The following PSD3 variants were observed in gnomAD, a reference collection of about 807,000 sequenced individuals.
The protein encoded by PSD3 is pleckstrin and Sec7 domain containing 3.
In PSD3, 49 loss-of-function variants were observed where a neutral mutation model predicts 105.5. The ratio of observed to expected loss-of-function variants is 0.46; its 90% confidence interval spans 0.37 to 0.59. The LOEUF (loss-of-function observed/expected upper bound fraction) is 0.59, where lower values mean the gene tolerates loss of function less well. PSD3 is among the 20% of genes least tolerant of loss of function. The probability of loss-of-function intolerance (pLI) is 0.00; values close to 1 mark genes in which losing one functional copy is unlikely to be tolerated. For synonymous variants in PSD3, 557 were observed against 457.8 expected (o/e 1.22, Z -2.77); for missense variants, 1,561 against 1,263.8 (o/e 1.24, Z -3.57).
At chr8:18,566,547 A>T (rs1461688229) in intron 14 of PSD3, among the ~76,000 whole-genome samples, 3 of 104,722 alleles carry the variant, frequency 2.9e-5, no homozygotes, top group Admixed American at 1.0e-4. Flanking sequence ...AAAAAAAAAA[A>T]TTCCTTAAAA....
chr8:18,823,057 G>A (rs192105316), intron 4 of PSD3, among the ~76,000 whole-genome samples: 1 of 149,506 alleles, frequency 6.7e-6, no homozygotes, highest in East Asian at 2.0e-4. Context: ...ATATTAATCT[G>A]GTTTTATAAA....
At chr8:18,741,799 A>G (rs1449571328) in intron 9 of PSD3, among the ~76,000 whole-genome samples, 5 of 63,068 alleles carry the variant, frequency 7.9e-5, no homozygotes, top group Non-Finnish European at 3.0e-4. Flanking sequence ...TTATTGTAAA[A>G]AAAAAAAAAA....
At chr8:19,008,621 C>T (rs1455995937) in intron 1 of PSD3, among the ~76,000 whole-genome samples, 1 of 152,214 alleles carries the variant, frequency 6.6e-6, no homozygotes, top group African/African-American at 2.4e-5. Flanking sequence ...AAAAGCAGTT[C>T]CACTGGCCCT....
intron 9 of PSD3, among the ~76,000 whole-genome samples, chr8:18,682,433 G>A (rs1262292406): frequency 4.6e-5 from 7 of 152,150 alleles, no homozygotes; most frequent in East Asian, 1.9e-4. Context: ...GCAGGAGACC[G>A]CAGTCCTGAC....
intron 14 of PSD3, among the ~76,000 whole-genome samples, chr8:18,563,057 T>A (rs1170524722): frequency 1.3e-5 from 2 of 152,118 alleles, no homozygotes; most frequent in Non-Finnish European, 2.9e-5. Flanking sequence ...ACCCTGACCT[T>A]TGTGTGAGTT....
intron 9 of PSD3, among the ~76,000 whole-genome samples, chr8:18,660,052 C>A (rs1488591384): frequency 3.3e-5 from 5 of 152,156 alleles, no homozygotes; most frequent in African/African-American, 1.2e-4. Flanking sequence ...CCCCTAATGT[C>A]CAGGTCCCAA....
rs1799802604 is a variant in PSD3 at position 18,535,549 on chromosome 8, A to T, written c.*194T>A. On this transcript the variant is annotated 3_prime_UTR_variant, in exon 16 of 16. Transcript: ENST00000327040. ...GGTGCATTAGCTATCAAGTTGCAAA[A>T]ATCATCAAAGCAAAAGAAATCAAGA... The T allele has an allele frequency of 5.1e-6, 3 of 587,374 alleles. No individual in the cohort carries two copies. Among genetic ancestry groups the T allele is most frequent in the Non-Finnish European group, 8.9e-6 (3 of 335,250 alleles). The allele number at this position is 587,374 out of a possible 1,614,324, so 36.4% of individuals were successfully genotyped here. A position where few individuals can be genotyped will look rare whatever the true frequency, so the allele number is the denominator to read the frequency against.
At chr8:18,747,846 A>C (rs768427875) in intron 9 of PSD3, among the ~76,000 whole-genome samples, 5 of 152,186 alleles carry the variant, frequency 3.3e-5, no homozygotes, top group Admixed American at 6.5e-5. Flanking sequence ...ACACAGAAGA[A>C]GACGAGTTTC....
At chr8:18,867,643 A>C (rs766980163) in intron 4 of PSD3, 31 bp downstream of exon 4, 2 of 1,553,886 alleles carry the variant, frequency 1.3e-6, no homozygotes, top group Non-Finnish European at 1.7e-6. Flanking sequence ...AAAAACCACC[A>C]GCATGAAATG....
chr8:18,707,135 G>T (rs186831807), intron 9 of PSD3, among the ~76,000 whole-genome samples: 1 of 152,048 alleles, frequency 6.6e-6, no homozygotes, highest in East Asian at 1.9e-4. Context: ...TCACTCTCTC[G>T]TTGTGCTGAT....
chr8:18,955,810 C>T (rs1199331057), intron 1 of PSD3, among the ~76,000 whole-genome samples: 1 of 151,530 alleles, frequency 6.6e-6, no homozygotes, highest in East Asian at 1.9e-4. Context: ...ATTCTGTTGC[C>T]CAGGCTGGAG....
In PSD3 at chr8:18,738,351, T is replaced by TG. The variant is rs529901174; in HGVS notation, c.2172+27097_2172+27098insC. Among the ~76,000 whole-genome samples, 397 of 152,302 alleles carry TG rather than the reference T, an allele frequency of 2.6e-3. 1 individual carries two copies. Among genetic ancestry groups the TG allele is most frequent in the Non-Finnish European group, 4.8e-3 (324 of 68,032 alleles). On this transcript the variant is annotated intron_variant, in intron 9 of 15. Transcript: ENST00000327040. ...TCTCTCTGAAACTCCTTTTCTCATT[T>TG]ATAAAATGGGAAGGTTCATCAAGAT...
At chr8:18,612,781 C>G (rs924897909) in intron 11 of PSD3, among the ~76,000 whole-genome samples, 2 of 152,126 alleles carry the variant, frequency 1.3e-5, no homozygotes, top group African/African-American at 2.4e-5. Context: ...CATTTTGTCC[C>G]AAGTCCTGTA....
At chr8:19,025,065 G>C (rs370459064) in intron 1 of PSD3, among the ~76,000 whole-genome samples, 1 of 152,126 alleles carries the variant, frequency 6.6e-6, no homozygotes, top group Non-Finnish European at 1.5e-5. Context: ...TGTTGAAAGA[G>C]CTGCATATAC....
At chr8:18,796,782 A>G (rs12547605) in intron 8 of PSD3, among the ~76,000 whole-genome samples, 3,677 of 152,292 alleles carry the variant, frequency 0.024, 165 homozygotes, top group East Asian at 0.14. Context: ...TTATGACACA[A>G]CGGTAAGGAA....
At chr8:18,690,451 C>T (rs1354306151) in intron 9 of PSD3, among the ~76,000 whole-genome samples, 1 of 152,202 alleles carries the variant, frequency 6.6e-6, no homozygotes, top group Non-Finnish European at 1.5e-5. Context: ...TTCCTGTCTT[C>T]TTCCAGGCCT....
chr8:18,536,157 T>C (rs1799835778), intron 15 of PSD3, among the ~76,000 whole-genome samples, 199 bp from the exon 16 acceptor site: 1 of 152,176 alleles, frequency 6.6e-6, no homozygotes, highest in Non-Finnish European at 1.5e-5. Flanking sequence ...AGATAAGAAA[T>C]TAAGTTAGAA....
Position 18,535,588 on chromosome 8 carries a change from G to A in PSD3, c.*155C>T. On this transcript the variant is annotated 3_prime_UTR_variant, in exon 16 of 16. Coordinates refer to ENST00000327040, the MANE Select transcript of PSD3 (RefSeq NM_015310.4). ...AAGAAATCAAGAGCAAAGACAATCT[G>A]TACAGAAACTAACAAAAATATACAA... 1.5e-6 allele frequency: 1 copy of A among 674,582 alleles called. No homozygotes were observed. The highest frequency in any genetic ancestry group is 2.5e-6 in the Non-Finnish European group (1 of 402,268). The allele number at this position is 674,582 out of a possible 1,614,324, so 41.8% of individuals were successfully genotyped here.
intron 1 of PSD3, among the ~76,000 whole-genome samples, chr8:18,951,325 C>T (rs980008012): frequency 6.6e-6 from 1 of 152,118 alleles, no homozygotes; most frequent in South Asian, 2.1e-4. Flanking sequence ...TCGCTTGAGT[C>T]CATGAATTAA....
Sources: gnomAD v4.1 joint callset for allele counts (sites outside exome capture counted in the v4.1 genomes callset) on GRCh38, gnomAD v4.1.1 for gene constraint, MANE v1.5 for transcripts, NCBI Gene and HGNC (gene_info 2026-07-23, HGNC 2026-07-21) for gene names.